The following MAD2L1 variants were observed in gnomAD, a reference collection of about 807,000 sequenced individuals.
MAD2L1 encodes the protein mitotic spindle assembly checkpoint protein MAD2A.
In MAD2L1, 10 loss-of-function variants were observed where a neutral mutation model predicts 25.9. That is an observed-to-expected ratio of 0.39 (90% CI 0.24 to 0.66). The LOEUF (loss-of-function observed/expected upper bound fraction) is 0.66, where lower values mean the gene tolerates loss of function less well. Among genes scored for constraint, MAD2L1 ranks in the 30% least tolerant of loss-of-function variants. The pLI is 0.49. For synonymous variants in MAD2L1, 81 were observed against 91.8 expected, an observed-to-expected ratio of 0.88 and a Z score of 0.67; for missense variants, 180 against 246.4, an observed-to-expected ratio of 0.73 and a Z score of 1.80.
chr4:120,057,227 G>C lies in MAD2L1; in HGVS notation c.*2891C>G, dbSNP rs947760937. 6.6e-6 allele frequency: 1 copy of C among 151,962 alleles called. No homozygotes were observed. The highest frequency in any genetic ancestry group is 2.4e-5 in the African/African-American group (1 of 41,346). 9.4% of individuals were successfully genotyped at this position (151,962 alleles called of 1,614,324 possible). A position where few individuals can be genotyped will look rare whatever the true frequency, so the allele number is the denominator to read the frequency against. Reference sequence around the variant, plus strand: ...TTTACTACCTGGCCATTTACAGAAAGTTTGCCAACCTCTAGTCCATTAGAT... The same window carrying C: ...TTTACTACCTGGCCATTTACAGAAACTTTGCCAACCTCTAGTCCATTAGAT... On this transcript the variant is annotated 3_prime_UTR_variant, in exon 5 of 5. Transcript: ENST00000296509.
intron 2 of MAD2L1, among the ~76,000 whole-genome samples, chr4:120,064,931 C>A (rs1726289436): frequency 6.6e-6 from 1 of 150,672 alleles, no homozygotes. Flanking sequence ...TTTAGAAGAT[C>A]AAATGGGAGA....
intron 3 of MAD2L1, 66 bp from the exon 4 acceptor site, chr4:120,061,043 G>C: frequency 1.1e-6 from 1 of 910,264 alleles, no homozygotes. Context: ...AAACATAGTG[G>C]TTAGATTATT....
intron 2 of MAD2L1, among the ~76,000 whole-genome samples, chr4:120,062,449 C>G (rs903013905): frequency 6.6e-6 from 1 of 151,856 alleles, no homozygotes; most frequent in Non-Finnish European, 1.5e-5. Context: ...GCAATGAGAG[C>G]ATAAAAAAAG....
chr4:120,063,179 G>C (rs1223047632), intron 2 of MAD2L1, among the ~76,000 whole-genome samples: 7 of 152,158 alleles, frequency 4.6e-5, no homozygotes, highest in Non-Finnish European at 8.8e-5. Context: ...TATGAGTCTG[G>C]AGAAAGAGGC....
intron 2 of MAD2L1, among the ~76,000 whole-genome samples, chr4:120,063,536 A>G (rs1726260705): frequency 6.6e-6 from 1 of 152,192 alleles, no homozygotes; most frequent in Non-Finnish European, 1.5e-5. Context: ...TTTATCAACA[A>G]CTTTTTATTA....
intron 4 of MAD2L1, 86 bp from the exon 5 acceptor site, chr4:120,060,376 A>C: frequency 9.2e-7 from 1 of 1,085,096 alleles, no homozygotes; most frequent in Non-Finnish European, 1.3e-6. Context: ...TGAACCACTC[A>C]CTGCTGGAAA....
At chr4:120,061,697 G>A (rs1412005626) in intron 3 of MAD2L1, among the ~76,000 whole-genome samples, 1 of 151,986 alleles carries the variant, frequency 6.6e-6, no homozygotes, top group African/African-American at 2.4e-5. Flanking sequence ...AGTATATCAT[G>A]TGTAGTTTTG....
chr4:120,066,736 G>A lies in MAD2L1; in HGVS notation c.-2C>T. The stretch of plus-strand genomic sequence containing the variant: ...CTCCCGGGAGAGCTGCAGCGCCATG[G>A]CCAGGGACACAAACAAAAGCACGCG... On this transcript the variant is annotated 5_prime_UTR_variant, in exon 1 of 5. Coordinates refer to ENST00000296509, the MANE Select transcript of MAD2L1 (RefSeq NM_002358.4). 1 of 1,594,924 alleles carries A rather than the reference G, an allele frequency of 6.3e-7. No homozygotes were observed. Among genetic ancestry groups the A allele is most frequent in the Non-Finnish European group, 8.6e-7 (1 of 1,166,142 alleles).
At position 120,066,699 on chromosome 4, in the gene MAD2L1, G is replaced by A; in HGVS notation, c.36C>T (p.Thr12=). 6.2e-7 allele frequency: 1 copy of A among 1,604,256 alleles called. No homozygotes were observed. The highest frequency in any genetic ancestry group is 8.5e-7 in the Non-Finnish European group (1 of 1,173,314). Reference sequence around the variant, plus strand: ...CCACGATTTCGGCGCTCCCGCGCAGGGTGATTCCCTGCTCCCGGGAGAGCT... The same window carrying A: ...CCACGATTTCGGCGCTCCCGCGCAGAGTGATTCCCTGCTCCCGGGAGAGCT... ...ALQLSREQGI[T]LRGSAEIVAE... is the part of the protein sequence containing the mutation. The change falls in exon 1 of 5, where the codon ACC becomes ACT. Residue 12 remains threonine, a synonymous_variant. Coordinates refer to ENST00000296509, the MANE Select transcript of MAD2L1 (RefSeq NM_002358.4).
chr4:120,065,773 G>C lies in MAD2L1; in HGVS notation c.119C>G (p.Ser40Cys), dbSNP rs747580882. 3 of 1,614,014 alleles carry C rather than the reference G, an allele frequency of 1.9e-6. No individual in the cohort carries two copies. In the South Asian group the frequency reaches 3.3e-5, roughly 18 times the overall value. ...TTTCTGCACTCGAGTAAAGGTTTCA[G>C]ATGGATATATGCCACGCTGATATAA... is the stretch of plus-strand genomic sequence containing the variant. ...SILYQRGIYP[S>C]ETFTRVQKYG... Residue 40 changes from serine to cysteine, a missense_variant, in exon 2 of 5, where the codon TCT becomes TGT. Transcript: ENST00000296509.
chr4:120,057,980 C>T lies in MAD2L1; in HGVS notation c.*2138G>A, dbSNP rs1252549591. ...TGGGTTCAAGCGATTTCTCCTGCCT[C>T]AGCCTCCCAAGTAGCTGAGATGCGC... On this transcript the variant is annotated 3_prime_UTR_variant, in exon 5 of 5. Transcript: ENST00000296509. 1.3e-5 allele frequency: 2 copies of T among 152,330 alleles called. No homozygotes were observed. The highest frequency in any genetic ancestry group is 2.4e-5 in the African/African-American group (1 of 41,452). 9.4% of individuals were successfully genotyped at this position (152,330 alleles called of 1,614,324 possible).
Position 120,066,721 on chromosome 4 carries a change from A to T in MAD2L1, c.14T>A (p.Leu5His), listed in dbSNP as rs748657577. Residue 5 changes from leucine (L) to histidine (H), a missense_variant, in exon 1 of 5, where the codon CTC (leucine) becomes CAC (histidine). By Grantham distance (99) the Leu-to-His change is moderately conservative. Transcript: ENST00000296509. ...CAGGGTGATTCCCTGCTCCCGGGAG[A>T]GCTGCAGCGCCATGGCCAGGGACAC... MALQLSREQGITLRG... is the reference protein window; with the variant it reads MALQHSREQGITLRG... 2 of 1,601,080 alleles carry T rather than the reference A, an allele frequency of 1.2e-6. No homozygotes were observed. The highest frequency in any genetic ancestry group is 1.7e-6 in the Non-Finnish European group (2 of 1,171,058).
At chr4:120,065,974 G>T (rs1390832374) in intron 1 of MAD2L1, among the ~76,000 whole-genome samples, 156 bp from the exon 2 acceptor site, 1 of 151,982 alleles carries the variant, frequency 6.6e-6, no homozygotes, top group East Asian at 1.9e-4. Flanking sequence ...GTACAAAGTG[G>T]CATTAAAAAT....
rs181474948 is a variant in MAD2L1 at position 120,057,315 on chromosome 4, T to C, written c.*2803A>G. Reference sequence around the variant, plus strand: ...TCCATGGGAGGAGTATACTTCCTGGTCCCATTAAAGTTAGGCTTGACCTTC... The same window carrying C: ...TCCATGGGAGGAGTATACTTCCTGGCCCCATTAAAGTTAGGCTTGACCTTC... On this transcript the variant is annotated 3_prime_UTR_variant, in exon 5 of 5. Coordinates refer to ENST00000296509, the MANE Select transcript of MAD2L1 (RefSeq NM_002358.4). The C allele has an allele frequency of 9.2e-5, 14 of 152,298 alleles. No homozygotes were observed. The highest frequency in any genetic ancestry group is 2.1e-4 in the Non-Finnish European group (14 of 68,036). 9.4% of individuals were successfully genotyped at this position (152,298 alleles called of 1,614,324 possible). A position where few individuals can be genotyped will look rare whatever the true frequency, so the allele number is the denominator to read the frequency against.
chr4:120,062,903 A>C (rs543749697), intron 2 of MAD2L1, among the ~76,000 whole-genome samples: 1 of 152,354 alleles, frequency 6.6e-6, no homozygotes, highest in Admixed American at 6.5e-5. Flanking sequence ...TAGGAGGATA[A>C]ACTGGTAGAT....
chr4:120,062,344 C>G (rs2111143), intron 2 of MAD2L1, among the ~76,000 whole-genome samples: 117,991 of 152,104 alleles, frequency 0.78, 46,082 homozygotes, highest in East Asian at 0.88. Context: ...CCTAATCCAA[C>G]ATAAAAGCAT....
Position 120,060,204 on chromosome 4 carries a change from A to C in MAD2L1, c.532T>G (p.Ser178Ala). 1.2e-6 allele frequency: 2 copies of C among 1,612,876 alleles called. No individual in the cohort carries two copies. Among genetic ancestry groups the C allele is most frequent in the Non-Finnish European group, 1.7e-6 (2 of 1,179,460 alleles). ...AATGAACGAAGGCGGACTTCCTCAG[A>C]ATTGGTAATAAACTGTGGTCCCGAC... ...EESGPQFITN[S>A]EEVRLRSFTT... is the part of the protein sequence containing the mutation. Residue 178 changes from serine (S) to alanine (A), a missense_variant, in exon 5 of 5, where the codon TCT becomes GCT. Coordinates refer to ENST00000296509, the MANE Select transcript of MAD2L1 (RefSeq NM_002358.4).
chr4:120,059,989 G>T lies in MAD2L1; in HGVS notation c.*129C>A. ...AAAAGGAACAATTACACACAGTTCA[G>T]TAAGTATCATTTTGGTTTTCTCCAT... On this transcript the variant is annotated 3_prime_UTR_variant, in exon 5 of 5. Transcript: ENST00000296509. 1 of 734,552 alleles carries T rather than the reference G, an allele frequency of 1.4e-6. No homozygotes were observed. 45.5% of individuals were successfully genotyped at this position (734,552 alleles called of 1,614,324 possible). A position where few individuals can be genotyped will look rare whatever the true frequency, so the allele number is the denominator to read the frequency against.
In MAD2L1 at chr4:120,059,182, T is replaced by C. The variant is rs992249190; in HGVS notation, c.*936A>G. On this transcript the variant is annotated 3_prime_UTR_variant, in exon 5 of 5. Coordinates refer to ENST00000296509, the MANE Select transcript of MAD2L1 (RefSeq NM_002358.4). ...ATCAACACTTGTTCAACTGGAATTG[T>C]TGGACTAATTCCAAAGGACATTTAT... 3 of 152,210 alleles carry C rather than the reference T, an allele frequency of 2.0e-5. No homozygotes were observed. The highest frequency in any genetic ancestry group is 4.8e-5 in the African/African-American group (2 of 41,450). 9.4% of individuals were successfully genotyped at this position (152,210 alleles called of 1,614,324 possible).
Sources: gnomAD v4.1 joint callset for allele counts (sites outside exome capture counted in the v4.1 genomes callset) on GRCh38, gnomAD v4.1.1 for gene constraint, MANE v1.5 for transcripts, NCBI Gene and HGNC (gene_info 2026-07-23, HGNC 2026-07-21) for gene names.